SNX7: variants seen among roughly 807,000 people sequenced by gnomAD.
The protein encoded by SNX7 is sorting nexin-7.
SNX7 carries 35 observed loss-of-function variants against 48.4 expected under a neutral mutation model. The observed-to-expected ratio is 0.72, with a 90% CI of 0.55 to 0.96. The LOEUF (loss-of-function observed/expected upper bound fraction) is 0.96, where lower values mean the gene tolerates loss of function less well. Ranked by LOEUF, SNX7 falls within the 40% of genes least tolerant of loss-of-function variation. The probability of loss-of-function intolerance (pLI) is 0.00; values close to 1 mark genes in which losing one functional copy is unlikely to be tolerated. For missense variants in SNX7, 553 were observed against 548.9 expected (o/e 1.01, Z -0.07); for synonymous variants, 190 against 190.2 (o/e 1.00, Z 0.01).
intron 8 of SNX7, among the ~76,000 whole-genome samples, chr1:98,745,316 C>A (rs1230409427): frequency 6.6e-6 from 1 of 151,920 alleles, no homozygotes; most frequent in Middle Eastern, 3.2e-3. Flanking sequence ...AATTCTCTTT[C>A]CTTATTATGA....
chr1:98,668,144 A>G (rs1649643130), intron 1 of SNX7, among the ~76,000 whole-genome samples: 1 of 152,308 alleles, frequency 6.6e-6, no homozygotes, highest in East Asian at 1.9e-4. Flanking sequence ...TATATGATCA[A>G]CAATAAAACC....
intron 7 of SNX7, among the ~76,000 whole-genome samples, chr1:98,731,389 A>G (rs1021858512): frequency 6.6e-6 from 1 of 152,132 alleles, no homozygotes; most frequent in Non-Finnish European, 1.5e-5. Flanking sequence ...TTAGTTCATA[A>G]TTCTCACAAA....
In SNX7 at chr1:98,698,719, A is replaced by G; in HGVS notation, c.852A>G (p.Glu284=). ...IYKEEREYFD[E]MKEYGPIHIL... ...TTTTTTTTTTAGAATATTTTGATGA[A>G]ATGAAAGAATATGGCCCAATTCATA... Residue 284 remains glutamate (E), a synonymous_variant, in exon 6 of 9, where the codon GAA becomes GAG. Coordinates refer to ENST00000306121, the MANE Select transcript of SNX7 (RefSeq NM_015976.5). The G allele has an allele frequency of 8.7e-6, 14 of 1,609,290 alleles. No individual in the cohort carries two copies. The highest frequency in any genetic ancestry group is 1.2e-5 in the Non-Finnish European group (14 of 1,177,914).
intron 7 of SNX7, among the ~76,000 whole-genome samples, chr1:98,729,368 G>T (rs1270024114): frequency 3.3e-5 from 5 of 152,054 alleles, no homozygotes; most frequent in African/African-American, 1.2e-4. Context: ...TCAACTAAAA[G>T]AACCAGAGAA....
At chr1:98,743,660 T>A (rs1433327882) in intron 8 of SNX7, among the ~76,000 whole-genome samples, 1 of 152,078 alleles carries the variant, frequency 6.6e-6, no homozygotes, top group East Asian at 1.9e-4. Context: ...CTCTAAAAAC[T>A]AAGTCTGAAT....
At chr1:98,702,675 A>G (rs1001161478) in intron 7 of SNX7, among the ~76,000 whole-genome samples, 1 of 152,132 alleles carries the variant, frequency 6.6e-6, no homozygotes, top group Admixed American at 6.6e-5. Context: ...CTAAGTTTAT[A>G]TATAGGTCTT....
At chr1:98,665,267 CT>C (rs1035171981) in intron 1 of SNX7, among the ~76,000 whole-genome samples, 2 of 152,062 alleles carry the variant, frequency 1.3e-5, no homozygotes, top group African/African-American at 4.8e-5. Flanking sequence ...CACTAGTCAT[CT>C]TTGAGAAATC....
upstream of SNX7, chr1:98,661,629 G>T (rs917648370): frequency 2.9e-5 from 30 of 1,038,620 alleles, no homozygotes; most frequent in East Asian, 7.6e-4. Flanking sequence ...GGGCTGGAGC[G>T]GGGCCGGCCG....
intron 1 of SNX7, among the ~76,000 whole-genome samples, chr1:98,664,913 C>T (rs1173867545): frequency 6.6e-6 from 1 of 151,990 alleles, no homozygotes; most frequent in East Asian, 1.9e-4. Context: ...TAACAAGAGC[C>T]TAAGAATTAT....
At chr1:98,722,477 G>T (rs997150307) in intron 7 of SNX7, among the ~76,000 whole-genome samples, 4 of 152,048 alleles carry the variant, frequency 2.6e-5, no homozygotes, top group African/African-American at 9.7e-5. Context: ...TGTCAGATTA[G>T]AAATGAATTT....
At chr1:98,667,000 C>T (rs896287534) in intron 1 of SNX7, among the ~76,000 whole-genome samples, 2 of 152,220 alleles carry the variant, frequency 1.3e-5, no homozygotes, top group African/African-American at 4.8e-5. Flanking sequence ...CAGCCTCCAG[C>T]ATTCATGTGC....
intron 7 of SNX7, among the ~76,000 whole-genome samples, chr1:98,727,880 G>T (rs1232296039): frequency 1.3e-5 from 2 of 151,942 alleles, no homozygotes; most frequent in African/African-American, 4.8e-5. Context: ...AGAACTATGA[G>T]ATTATATAAA....
intron 8 of SNX7, among the ~76,000 whole-genome samples, chr1:98,744,981 G>A (rs1435524286): frequency 3.3e-5 from 5 of 151,964 alleles, no homozygotes; most frequent in Non-Finnish European, 1.5e-5. Flanking sequence ...CCCCAGAGAA[G>A]GTTTTCAACA....
intron 8 of SNX7, among the ~76,000 whole-genome samples, chr1:98,740,916 T>C (rs1437396859): frequency 1.3e-5 from 2 of 152,194 alleles, no homozygotes; most frequent in Non-Finnish European, 2.9e-5. Flanking sequence ...CAATTGTTTG[T>C]TGAATTTTTT....
chr1:98,747,978 C>CTTT lies in SNX7; in HGVS notation c.1278+9603_1278+9605dup, dbSNP rs372674344. ...AATATTTTTGTTTTACAGGTTTTTACTTTTTTTTTTTTTTTTGAGATGGAG... is the reference window on the plus strand; with the variant it reads ...AATATTTTTGTTTTACAGGTTTTTACTTTTTTTTTTTTTTTTTTTGAGATGGAG... On this transcript the variant is annotated intron_variant, in intron 8 of 8. Coordinates refer to ENST00000306121, the MANE Select transcript of SNX7 (RefSeq NM_015976.5). Among the ~76,000 whole-genome samples the CTTT allele has an allele frequency of 9.2e-4, 121 of 131,896 alleles. 1 individual carries two copies. Among genetic ancestry groups the CTTT allele is most frequent in the African/African-American group, 3.1e-3 (110 of 35,316 alleles). The allele number at this position is 131,896 out of a possible 152,430, so 86.5% of individuals were successfully genotyped here. A position where few individuals can be genotyped will look rare whatever the true frequency, so the allele number is the denominator to read the frequency against.
At chr1:98,663,690 A>G (rs1261033646) in intron 1 of SNX7, among the ~76,000 whole-genome samples, 1 of 152,146 alleles carries the variant, frequency 6.6e-6, no homozygotes, top group Non-Finnish European at 1.5e-5. Flanking sequence ...CATGGCTCCA[A>G]TCATTTATTG....
At position 98,743,515 on chromosome 1, in the gene SNX7, G is replaced by T. The variant is rs377594009; in HGVS notation, c.1278+5126G>T. 4.0e-4 allele frequency among the ~76,000 whole-genome samples: 61 copies of T among 151,946 alleles called. 1 individual carries two copies. The South Asian group carries it at 0.012, about 31-fold the overall frequency. On this transcript the variant is annotated intron_variant, in intron 8 of 8. Coordinates refer to ENST00000306121, the MANE Select transcript of SNX7 (RefSeq NM_015976.5). ...AATTTCTGAAAGATTTTGAGGAAAA[G>T]AAAAAAATCGTTACAAGGGTATCTG...
Position 98,691,937 on chromosome 1 carries a change from A to ACACACACACT in SNX7, c.639+239_639+240insACACACACTC, listed in dbSNP as rs376006567. Among the ~76,000 whole-genome samples, 51 of 131,172 alleles carry ACACACACACT rather than the reference A, an allele frequency of 3.9e-4. No homozygotes were observed. The East Asian group carries it at 4.3e-3, about 11-fold the overall frequency. The allele number at this position is 131,172 out of a possible 152,430, so 86.1% of individuals were successfully genotyped here. ...TATACACACACACACACACACACAC[A>ACACACACACT]CTCTCTCTCTCTCTCTCTCTCTCTC... On this transcript the variant is annotated intron_variant, in intron 4 of 8. Transcript: ENST00000306121.
intron 2 of SNX7, among the ~76,000 whole-genome samples, chr1:98,687,799 T>G (rs1650887660): frequency 6.6e-6 from 1 of 152,078 alleles, no homozygotes; most frequent in Non-Finnish European, 1.5e-5. Flanking sequence ...GGGCTCACAA[T>G]CATGGCAGAA....
Sources: allele counts gnomAD v4.1 joint callset (sites outside exome capture counted in the v4.1 genomes callset), GRCh38; gene constraint gnomAD v4.1.1; transcripts MANE v1.5; gene names NCBI Gene and HGNC (gene_info 2026-07-23, HGNC 2026-07-21).